TMC1: variants seen among roughly 807,000 people sequenced by gnomAD.
TMC1 encodes the protein transmembrane channel-like protein 1.
In TMC1, 84 loss-of-function variants were observed where a neutral mutation model predicts 105.8. The ratio of observed to expected loss-of-function variants is 0.79; its 90% CI spans 0.67 to 0.95. The LOEUF is 0.95. TMC1 is among the 40% of genes least tolerant of loss of function. TMC1 has a pLI of 0.00. For missense variants in TMC1, 817 were observed against 914.1 expected (o/e 0.89, Z 1.37); for synonymous variants, 315 against 311.5 (o/e 1.01, Z -0.12).
intron 1 of TMC1, among the ~76,000 whole-genome samples, chr9:72,529,220 A>G (rs1031950666): frequency 6.6e-6 from 1 of 152,176 alleles, no homozygotes; most frequent in East Asian, 1.9e-4. Flanking sequence ...GGATAACTCT[A>G]ATTGCTAAAT....
At chr9:72,596,069 G>T (rs558401086) in intron 2 of TMC1, among the ~76,000 whole-genome samples, 1 of 151,970 alleles carries the variant, frequency 6.6e-6, no homozygotes, top group Middle Eastern at 3.2e-3. Flanking sequence ...TAAAGACAGG[G>T]TTTCACCATA....
At chr9:72,757,070 G>A (rs1440367663) in intron 12 of TMC1, among the ~76,000 whole-genome samples, 1 of 152,128 alleles carries the variant, frequency 6.6e-6, no homozygotes, top group East Asian at 1.9e-4. Context: ...TTATTTCAAG[G>A]CCTGCCTGAA....
intron 10 of TMC1, among the ~76,000 whole-genome samples, chr9:72,749,971 G>A (rs1008129160): frequency 1.1e-4 from 16 of 152,118 alleles, no homozygotes; most frequent in African/African-American, 3.1e-4. Flanking sequence ...GCCAGGTGTG[G>A]TGGTGGGTGC....
At chr9:72,571,595 C>CT (rs1157308938) in intron 1 of TMC1, among the ~76,000 whole-genome samples, 4 of 151,532 alleles carry the variant, frequency 2.6e-5, no homozygotes, top group East Asian at 4.0e-4. Flanking sequence ...TACAGGCATA[C>CT]ACCGCCATGC....
chr9:72,546,977 C>A (rs1339076134), intron 1 of TMC1, among the ~76,000 whole-genome samples: 1 of 152,136 alleles, frequency 6.6e-6, no homozygotes, highest in East Asian at 1.9e-4. Flanking sequence ...ATGGTCCATC[C>A]GTGAATCTTT....
chr9:72,703,699 C>G (rs980635709), intron 8 of TMC1, among the ~76,000 whole-genome samples: 1 of 152,202 alleles, frequency 6.6e-6, no homozygotes, highest in Non-Finnish European at 1.5e-5. Flanking sequence ...GACGGTGATT[C>G]AGATCTTCAA....
chr9:72,526,237 ATAACATACTC>A (rs139056450), intron 1 of TMC1, among the ~76,000 whole-genome samples: 18,120 of 152,150 alleles, frequency 0.12, 1,226 homozygotes, highest in Non-Finnish European at 0.16. Context: ...AGCACTTAAA[ATAACATACTC>A]CTTTGCACAG....
intron 1 of TMC1, among the ~76,000 whole-genome samples, chr9:72,563,625 G>A (rs534849041): frequency 9.9e-5 from 15 of 152,174 alleles, no homozygotes; most frequent in East Asian, 7.8e-4. Context: ...TTGACTGGGC[G>A]CAGTGGCTCA....
At chr9:72,555,417 G>C (rs546704282) in intron 1 of TMC1, among the ~76,000 whole-genome samples, 2 of 151,460 alleles carry the variant, frequency 1.3e-5, no homozygotes, top group East Asian at 3.9e-4. Flanking sequence ...TTGATCTCTT[G>C]ACCTCGTGAC....
At chr9:72,650,890 A>ATATATATATC (rs1564468483) in intron 5 of TMC1, among the ~76,000 whole-genome samples, 2 of 139,642 alleles carry the variant, frequency 1.4e-5, no homozygotes, top group African/African-American at 5.4e-5. Context: ...ATAGATATAT[A>ATATATATATC]GATATATATA....
intron 1 of TMC1, among the ~76,000 whole-genome samples, chr9:72,577,371 C>T (rs1047920120): frequency 6.6e-6 from 1 of 152,160 alleles, no homozygotes; most frequent in African/African-American, 2.4e-5. Context: ...CACACAGGGA[C>T]GGGTGGAGCA....
chr9:72,672,658 GATAGA>G (rs1465547798), intron 5 of TMC1, among the ~76,000 whole-genome samples: 10 of 151,908 alleles, frequency 6.6e-5, no homozygotes, highest in Admixed American at 6.6e-4. Context: ...CTGAATAATT[GATAGA>G]ATAAACAGAC....
At chr9:72,591,648 T>TCA (rs1338818908) in intron 2 of TMC1, among the ~76,000 whole-genome samples, 1 of 152,196 alleles carries the variant, frequency 6.6e-6, no homozygotes, top group Non-Finnish European at 1.5e-5. Context: ...GCAACCTTGA[T>TCA]CAGCCTTCAT....
intron 4 of TMC1, among the ~76,000 whole-genome samples, chr9:72,630,206 A>G (rs1361999252): frequency 4.6e-5 from 7 of 152,184 alleles, no homozygotes; most frequent in Admixed American, 2.0e-4. Context: ...AAGAATCATA[A>G]TATTTTCCCA....
chr9:72,669,109 C>G (rs2132167232), intron 5 of TMC1, among the ~76,000 whole-genome samples: 1 of 152,238 alleles, frequency 6.6e-6, no homozygotes, highest in South Asian at 2.1e-4. Flanking sequence ...AGTTCAAGAC[C>G]AGCCTGGCCA....
At chr9:72,825,885 C>G (rs1388677202) in intron 20 of TMC1, among the ~76,000 whole-genome samples, 1 of 151,954 alleles carries the variant, frequency 6.6e-6, no homozygotes, top group African/African-American at 2.4e-5. Flanking sequence ...AGTCCAATGA[C>G]TACTGACAAA....
At chr9:72,565,693 T>C (rs1824139236) in intron 1 of TMC1, among the ~76,000 whole-genome samples, 1 of 152,162 alleles carries the variant, frequency 6.6e-6, no homozygotes, top group Non-Finnish European at 1.5e-5. Context: ...CCGTTCCACA[T>C]GGCTGTGGAG....
intron 12 of TMC1, among the ~76,000 whole-genome samples, chr9:72,760,628 C>T (rs1420599269): frequency 6.6e-6 from 1 of 152,106 alleles, no homozygotes; most frequent in African/African-American, 2.4e-5. Flanking sequence ...GCACACCCAG[C>T]AACAGGATCA....
At position 72,601,169 on chromosome 9, in the gene TMC1, T is replaced by TACACAC. The variant is rs753598002; in HGVS notation, c.-305-15179_-305-15174dup. ...AGGCAACATAGCAAGACACTGTTTC[T>TACACAC]ACACACACACACACACACACACACA... On this transcript the variant is annotated intron_variant, in intron 2 of 23. Coordinates refer to ENST00000297784, the MANE Select transcript of TMC1 (RefSeq NM_138691.3). Among the ~76,000 whole-genome samples, 647 of 148,380 alleles carry TACACAC rather than the reference T, an allele frequency of 4.4e-3. 9 individuals are homozygous for TACACAC. The highest frequency in any genetic ancestry group is 0.015 in the African/African-American group (610 of 39,992).
Sources: allele counts gnomAD v4.1 joint callset (sites outside exome capture counted in the v4.1 genomes callset), GRCh38; gene constraint gnomAD v4.1.1; transcripts MANE v1.5; gene names NCBI Gene and HGNC (gene_info 2026-07-23, HGNC 2026-07-21).